Variants in ANOS1 observed in about 807,000 individuals in gnomAD.
ANOS1 encodes anosmin 1.
ANOS1 carries 6 observed loss-of-function variants against 59.0 expected under a neutral mutation model. That is an observed-to-expected ratio of 0.10 (90% CI 0.06 to 0.20). The LOEUF (loss-of-function observed/expected upper bound fraction) is 0.20. ANOS1 is among the 10% of genes least tolerant of loss of function. The probability of loss-of-function intolerance (pLI) is 1.00; values close to 1 mark genes in which losing one functional copy is unlikely to be tolerated. For synonymous variants in ANOS1, 217 were observed against 223.4 expected (o/e 0.97, Z 0.25); for missense variants, 433 against 542.3 (o/e 0.80, Z 2.00).
At chrX:8,556,469 C>A (rs1463863792) in intron 8 of ANOS1, among the ~76,000 whole-genome samples, 3 of 112,073 alleles carry the variant, frequency 2.7e-5, no homozygotes, top group African/African-American at 9.7e-5. Context: ...AGCTGATAAG[C>A]AACTTCAGCA....
At chrX:8,683,049 T>G (rs1932450663) in intron 2 of ANOS1, among the ~76,000 whole-genome samples, 1 of 111,043 alleles carries the variant, frequency 9.0e-6, no homozygotes, top group Non-Finnish European at 1.9e-5. Flanking sequence ...ACGGGATTCT[T>G]GAGCATGCTA....
intron 4 of ANOS1, among the ~76,000 whole-genome samples, chrX:8,593,890 A>T (rs1930663245): frequency 9.0e-6 from 1 of 110,932 alleles, no homozygotes. Flanking sequence ...TGCCCAGGCT[A>T]CTCTTGAACT....
chrX:8,643,903 C>T (rs1482094861), intron 2 of ANOS1, among the ~76,000 whole-genome samples: 1 of 110,501 alleles, frequency 9.0e-6, no homozygotes, highest in Non-Finnish European at 1.9e-5. Context: ...AGAAGTGCCA[C>T]CCCCCCAACC....
At chrX:8,581,830 T>C (rs532273495) in intron 6 of ANOS1, among the ~76,000 whole-genome samples, 58 of 112,368 alleles carry the variant, frequency 5.2e-4, no homozygotes, top group African/African-American at 1.8e-3. Context: ...CATTCTTATA[T>C]TTACTGTGTT....
intron 2 of ANOS1, among the ~76,000 whole-genome samples, chrX:8,633,922 A>G (rs766119170): frequency 8.9e-6 from 1 of 112,467 alleles, no homozygotes; most frequent in South Asian, 3.7e-4. Context: ...AATGCCACAC[A>G]TAATGAAGAA....
intron 1 of ANOS1, among the ~76,000 whole-genome samples, chrX:8,728,602 G>A (rs985144308): frequency 1.3e-4 from 15 of 111,685 alleles, no homozygotes; most frequent in South Asian, 3.7e-4. Flanking sequence ...TCTGCTAACC[G>A]CACATATGTA....
At position 8,590,334 on chromosome X, in the gene ANOS1, T is replaced by C. The variant is rs770000331; in HGVS notation, c.542-2356A>G. Reference sequence around the variant, plus strand: ...AGGTCCTTAATAATACCATGGCCTGTTTATGGTTTTTTTGTTTGTTTGTTT... The same window carrying C: ...AGGTCCTTAATAATACCATGGCCTGCTTATGGTTTTTTTGTTTGTTTGTTT... On this transcript the variant is annotated intron_variant, in intron 4 of 13. Coordinates refer to ENST00000262648, the MANE Select transcript of ANOS1 (RefSeq NM_000216.4). 4.6e-5 allele frequency among the ~76,000 whole-genome samples: 5 copies of C among 109,483 alleles called. No individual in the cohort carries two copies. In the South Asian group the frequency reaches 1.2e-3, roughly 26 times the overall value.
chrX:8,628,116 C>A (rs957617389), intron 2 of ANOS1, among the ~76,000 whole-genome samples: 1 of 111,505 alleles, frequency 9.0e-6, no homozygotes, highest in Non-Finnish European at 1.9e-5. Context: ...ATGAAAGCAA[C>A]CTCTGGTTGT....
intron 4 of ANOS1, among the ~76,000 whole-genome samples, chrX:8,589,095 C>A (rs1290994041): frequency 8.9e-6 from 1 of 112,714 alleles, no homozygotes; most frequent in South Asian, 3.6e-4. Context: ...GGTTGAATTT[C>A]AACTCCTATT....
At position 8,535,735 on chromosome X, in the gene ANOS1, G is replaced by T; in HGVS notation, c.1698C>A (p.Thr566=). The change falls in exon 12 of 14, where the codon ACC becomes ACA. Residue 566 remains threonine (T), a synonymous_variant. Coordinates refer to ENST00000262648, the MANE Select transcript of ANOS1 (RefSeq NM_000216.4). Reference sequence around the variant, plus strand: ...TGGCCATCTTCCAAGAAAAGTGACCGGTGATGTTCACATCCTGGACGATGA... The same window carrying T: ...TGGCCATCTTCCAAGAAAAGTGACCTGTGATGTTCACATCCTGGACGATGA... The part of the protein sequence containing the change: ...ASFIVQDVNI[T]GHFSWKMAKA... 4 of 1,211,524 alleles carry T rather than the reference G, an allele frequency of 3.3e-6. No homozygotes were observed. The highest frequency in any genetic ancestry group is 4.5e-6 in the Non-Finnish European group (4 of 895,026).
intron 9 of ANOS1, among the ~76,000 whole-genome samples, chrX:8,541,439 AAT>A (rs759725146): frequency 1.3e-4 from 13 of 99,350 alleles, no homozygotes; most frequent in African/African-American, 3.7e-4. Context: ...AAAACAAAAA[AAT>A]AAAACAAAAA....
rs772086164 is a variant in ANOS1 at position 8,533,068 on chromosome X, AAT to A, written c.1985-17_1985-16del. ...AAGATGAGATCCTAAAAAGTGACAA[AAT>A]ATGTCAGTCACATCCATTTGTATGT... On this transcript the variant is annotated splice_polypyrimidine_tract_variant and intron_variant, in intron 13 of 13. Coordinates refer to ENST00000262648, the MANE Select transcript of ANOS1 (RefSeq NM_000216.4). 2.9e-6 allele frequency: 3 copies of A among 1,028,397 alleles called. No homozygotes were observed. Among genetic ancestry groups the A allele is most frequent in the Non-Finnish European group, 4.1e-6 (3 of 728,675 alleles). 84.8% of individuals were successfully genotyped at this position (1,028,397 alleles called of 1,213,427 possible).
At chrX:8,564,486 C>G (rs934926008) in intron 8 of ANOS1, among the ~76,000 whole-genome samples, 1 of 112,081 alleles carries the variant, frequency 8.9e-6, no homozygotes, top group African/African-American at 3.2e-5. Flanking sequence ...GAGGGAATAA[C>G]TAATTAACTT....
intron 3 of ANOS1, among the ~76,000 whole-genome samples, chrX:8,608,082 A>G (rs1162295510): frequency 8.9e-6 from 1 of 111,925 alleles, no homozygotes; most frequent in Non-Finnish European, 1.9e-5. Context: ...CAAATACACA[A>G]GCAAGATAAC....
intron 11 of ANOS1, among the ~76,000 whole-genome samples, chrX:8,536,213 T>TC (rs1929590839): frequency 2.6e-5 from 2 of 76,341 alleles, no homozygotes; most frequent in African/African-American, 1.4e-4. Flanking sequence ...TTTTTTTTTT[T>TC]TTTAAAAGGT....
intron 2 of ANOS1, among the ~76,000 whole-genome samples, chrX:8,668,937 C>T (rs547242854): frequency 8.9e-6 from 1 of 111,753 alleles, no homozygotes; most frequent in South Asian, 3.8e-4. Context: ...TCTCCAGAGC[C>T]TGGTAGGAGT....
intron 2 of ANOS1, among the ~76,000 whole-genome samples, chrX:8,663,111 C>T (rs1393078958): frequency 9.0e-6 from 1 of 111,633 alleles, no homozygotes. Context: ...TGGAACTCAT[C>T]CCTCCCTCAT....
chrX:8,535,331 A>T, intron 12 of ANOS1: 1 of 409,687 alleles, frequency 2.4e-6, no homozygotes, highest in Non-Finnish European at 4.3e-6. Flanking sequence ...TCACTTATAT[A>T]CAAGATAGGG....
chrX:8,576,169 T>G (rs1930317532), intron 6 of ANOS1, among the ~76,000 whole-genome samples: 1 of 110,659 alleles, frequency 9.0e-6, no homozygotes, highest in African/African-American at 3.3e-5. Flanking sequence ...ATCACCTGTT[T>G]GTTGCCGTGA....
Sources: allele counts gnomAD v4.1 joint callset (sites outside exome capture counted in the v4.1 genomes callset), GRCh38; gene constraint gnomAD v4.1.1; transcripts MANE v1.5; gene names NCBI Gene and HGNC (gene_info 2026-07-23, HGNC 2026-07-21).